Variants in PLXDC2 observed in about 807,000 individuals in gnomAD.
The protein encoded by PLXDC2 is plexin domain-containing protein 2.
A neutral mutation model predicts 68.9 loss-of-function variants in PLXDC2; 40 were observed. That is an observed-to-expected ratio of 0.58 (90% confidence interval 0.45 to 0.76). The LOEUF (loss-of-function observed/expected upper bound fraction) is 0.76, where lower values mean the gene tolerates loss of function less well. PLXDC2 is among the 30% of genes least tolerant of loss of function. PLXDC2 has a pLI of 0.00. For missense variants in PLXDC2, 644 were observed against 661.9 expected, an observed-to-expected ratio of 0.97 and a Z score of 0.30; for synonymous variants, 243 against 234.2, an observed-to-expected ratio of 1.04 and a Z score of -0.34.
In PLXDC2 at chr10:20,001,840, G is replaced by C. The variant is rs200431336; in HGVS notation, c.178G>C (p.Ala60Pro). The C allele has an allele frequency of 1.9e-6, 3 of 1,613,866 alleles. No homozygotes were observed. The highest frequency in any genetic ancestry group is 2.5e-6 in the Non-Finnish European group (3 of 1,179,986). ...GGAGGAGGTGGAAGTTGATTCACAC[G>C]CGTACAGCCACAGGTGGAAAAGAAA... is the stretch of plus-strand genomic sequence containing the variant. ...TEEEVEVDSH[A>P]YSHRWKRNLD... Residue 60 changes from alanine (A) to proline (P), a missense_variant, in exon 2 of 14, where the codon GCG becomes CCG. Physicochemically the swap from Ala to Pro is conservative, Grantham distance 27. Transcript: ENST00000377252.
intron 4 of PLXDC2, among the ~76,000 whole-genome samples, chr10:20,096,767 T>C (rs1487198372): frequency 6.6e-6 from 1 of 152,158 alleles, no homozygotes; most frequent in Non-Finnish European, 1.5e-5. Flanking sequence ...TGTTTTAATC[T>C]TGAAACTTGA....
At position 19,883,884 on chromosome 10, in the gene PLXDC2, CTTTTT is replaced by C. The variant is rs397846779; in HGVS notation, c.112+66716_112+66720del. ...ATTACTGTCTCCAGATCCCTTTAAA[CTTTTT>C]TTTTTTTTTTTTTTTTTTTTTTAGC... On this transcript the variant is annotated intron_variant, in intron 1 of 13. Transcript: ENST00000377252. 3.2e-3 allele frequency among the ~76,000 whole-genome samples: 177 copies of C among 55,104 alleles called. 1 individual carries two copies. The highest frequency in any genetic ancestry group is 0.011 in the Middle Eastern group (1 of 90). The allele number at this position is 55,104 out of a possible 152,430, so 36.2% of individuals were successfully genotyped here. A position where few individuals can be genotyped will look rare whatever the true frequency, so the allele number is the denominator to read the frequency against.
At chr10:20,091,330 T>C (rs1833273367) in intron 4 of PLXDC2, among the ~76,000 whole-genome samples, 1 of 152,184 alleles carries the variant, frequency 6.6e-6, no homozygotes, top group Non-Finnish European at 1.5e-5. Context: ...ACTCTTCTTC[T>C]CCCTGGCTCT....
At chr10:20,014,392 TTCCTTCCTTCCTTCCTTCC>T (rs1835171709) in intron 2 of PLXDC2, among the ~76,000 whole-genome samples, 1 of 30,722 alleles carries the variant, frequency 3.3e-5, no homozygotes, top group Admixed American at 3.0e-4. Context: ...GCTTCCTTCC[TTCCTTCCTTCCTTCCTTCC>T]TTCCTTCCTT....
At chr10:20,021,190 T>A (rs1835301263) in intron 2 of PLXDC2, among the ~76,000 whole-genome samples, 1 of 140,254 alleles carries the variant, frequency 7.1e-6, no homozygotes, top group Admixed American at 7.1e-5. Context: ...AACTTTATCC[T>A]GTTTTTTTTG....
chr10:19,880,595 A>C (rs114709515), intron 1 of PLXDC2, among the ~76,000 whole-genome samples: 2 of 152,192 alleles, frequency 1.3e-5, no homozygotes, highest in Non-Finnish European at 2.9e-5. Flanking sequence ...TCGAGATAAA[A>C]GGGATTACTG....
rs550844562 is a variant in PLXDC2 at position 20,287,215 on chromosome 10, A to G, written c.*7396A>G. Reference sequence around the variant, plus strand: ...AGCCATCACCCCCCATACCTCTTCTATGGCATTCATCCTAACATCATGGAG... The same window carrying G: ...AGCCATCACCCCCCATACCTCTTCTGTGGCATTCATCCTAACATCATGGAG... On this transcript the variant is annotated 3_prime_UTR_variant, in exon 14 of 14. Transcript: ENST00000377252. 1 of 152,324 alleles carries G rather than the reference A, an allele frequency of 6.6e-6. No homozygotes were observed. The highest frequency in any genetic ancestry group is 2.1e-4 in the South Asian group (1 of 4,824). The allele number at this position is 152,324 out of a possible 1,614,324, so 9.4% of individuals were successfully genotyped here.
chr10:19,828,494 T>G (rs1410190889), intron 1 of PLXDC2, among the ~76,000 whole-genome samples: 1 of 152,248 alleles, frequency 6.6e-6, no homozygotes, highest in Non-Finnish European at 1.5e-5. Flanking sequence ...GGCTTGGTGA[T>G]CTGAGTATTT....
At chr10:20,053,695 A>G (rs987588767) in intron 3 of PLXDC2, among the ~76,000 whole-genome samples, 6 of 152,144 alleles carry the variant, frequency 3.9e-5, no homozygotes, top group African/African-American at 1.2e-4. Flanking sequence ...ACAGTTGATG[A>G]CATTCTGATT....
chr10:19,908,565 A>G (rs1421834475), intron 1 of PLXDC2, among the ~76,000 whole-genome samples: 1 of 152,032 alleles, frequency 6.6e-6, no homozygotes, highest in Non-Finnish European at 1.5e-5. Flanking sequence ...AGATGTTAAC[A>G]CTCCTAAAAA....
At chr10:20,172,557 G>A (rs1412400493) in intron 7 of PLXDC2, among the ~76,000 whole-genome samples, 1 of 152,122 alleles carries the variant, frequency 6.6e-6, no homozygotes, top group Admixed American at 6.6e-5. Context: ...TGCATAGACT[G>A]TGTAATGATC....
At chr10:20,172,827 A>G (rs565760361) in intron 7 of PLXDC2, among the ~76,000 whole-genome samples, 1 of 152,314 alleles carries the variant, frequency 6.6e-6, no homozygotes, top group East Asian at 1.9e-4. Flanking sequence ...TTTGCAAGCA[A>G]TGAGGGAATG....
At chr10:20,206,113 T>C (rs1437640372) in intron 9 of PLXDC2, among the ~76,000 whole-genome samples, 2 of 152,014 alleles carry the variant, frequency 1.3e-5, no homozygotes, top group Admixed American at 6.6e-5. Flanking sequence ...CATACATATA[T>C]CATAATATCA....
Position 19,824,678 on chromosome 10 carries a change from T to A in PLXDC2, c.112+7487T>A, listed in dbSNP as rs1323603537. Among the ~76,000 whole-genome samples, 3 of 152,340 alleles carry A rather than the reference T, an allele frequency of 2.0e-5. No homozygotes were observed. The East Asian group carries it at 5.8e-4, about 29-fold the overall frequency. On this transcript the variant is annotated intron_variant, in intron 1 of 13. Coordinates refer to ENST00000377252, the MANE Select transcript of PLXDC2 (RefSeq NM_032812.9). ...AGAATGACAGGCTAAGTAGTGATGC[T>A]TTTATTAAGAAAGTTTCTTCCACTA... is the stretch of plus-strand genomic sequence containing the variant.
At chr10:20,277,635 G>A (rs1836025623) in intron 13 of PLXDC2, among the ~76,000 whole-genome samples, 2 of 152,164 alleles carry the variant, frequency 1.3e-5, no homozygotes, top group South Asian at 4.1e-4. Context: ...GGAGAATTTT[G>A]GTGAAGTTGT....
intron 9 of PLXDC2, among the ~76,000 whole-genome samples, chr10:20,189,283 C>T (rs1834727943): frequency 6.7e-6 from 1 of 149,892 alleles, no homozygotes; most frequent in African/African-American, 2.4e-5. Flanking sequence ...GAAAAAAATA[C>T]ATAAGGTACT....
At chr10:20,251,545 A>G (rs1045063771) in intron 13 of PLXDC2, among the ~76,000 whole-genome samples, 1 of 152,134 alleles carries the variant, frequency 6.6e-6, no homozygotes, top group African/African-American at 2.4e-5. Flanking sequence ...TTATTGTTTC[A>G]TGAACATAGG....
rs149037714 is a variant in PLXDC2, at chr10:20,001,842, G to T, written c.180G>T (p.Ala60=). The T allele has an allele frequency of 1.2e-5, 20 of 1,613,880 alleles. No homozygotes were observed. The African/African-American group carries it at 2.7e-4, about 22-fold the overall frequency. Residue 60 remains alanine, a synonymous_variant, in exon 2 of 14, where the codon GCG becomes GCT. Transcript: ENST00000377252. ...TEEEVEVDSH[A]YSHRWKRNLD... ...AGGAGGTGGAAGTTGATTCACACGC[G>T]TACAGCCACAGGTGGAAAAGAAACT...
chr10:19,993,114 G>A (rs1834778007), intron 1 of PLXDC2, among the ~76,000 whole-genome samples: 1 of 152,012 alleles, frequency 6.6e-6, no homozygotes, highest in African/African-American at 2.4e-5. Context: ...CCCTAAATGA[G>A]GGTTATTGTT....
Sources: gnomAD v4.1 joint callset for allele counts (sites outside exome capture counted in the v4.1 genomes callset) on GRCh38, gnomAD v4.1.1 for gene constraint, MANE v1.5 for transcripts, NCBI Gene and HGNC (gene_info 2026-07-23, HGNC 2026-07-21) for gene names.